CSMD1: variants seen among roughly 807,000 people sequenced by gnomAD.
The protein encoded by CSMD1 is CUB and Sushi multiple domains 1.
In CSMD1, 213 loss-of-function variants were observed where a neutral mutation model predicts 417.5. The observed-to-expected ratio is 0.51, with a 90% CI of 0.46 to 0.57. CSMD1 has a LOEUF of 0.57. Ranked by LOEUF, CSMD1 falls within the 20% of genes least tolerant of loss-of-function variation. The pLI is 0.00. For synonymous variants in CSMD1, 2,862 were observed against 1,736.8 expected (o/e 1.65, Z -16.11); for missense variants, 6,923 against 4,529.7 (o/e 1.53, Z -15.17).
intron 3 of CSMD1, among the ~76,000 whole-genome samples, chr8:4,311,047 G>A (rs1021433638): frequency 6.6e-6 from 1 of 152,160 alleles, no homozygotes; most frequent in Non-Finnish European, 1.5e-5. Context: ...ATACACCACT[G>A]GTGGGAGTGT....
At chr8:3,734,859 C>A (rs898459790) in intron 6 of CSMD1, among the ~76,000 whole-genome samples, 1 of 152,172 alleles carries the variant, frequency 6.6e-6, no homozygotes, top group Non-Finnish European at 1.5e-5. Context: ...TCATCTAATG[C>A]CGCTGATGCT....
intron 3 of CSMD1, among the ~76,000 whole-genome samples, chr8:4,144,574 G>A (rs1040434303): frequency 6.6e-6 from 1 of 150,934 alleles, no homozygotes. Flanking sequence ...TATCTGGATT[G>A]CTCAGCTACT....
At chr8:4,875,846 C>T (rs749325907) in intron 1 of CSMD1, among the ~76,000 whole-genome samples, 5 of 151,746 alleles carry the variant, frequency 3.3e-5, no homozygotes, top group Non-Finnish European at 7.4e-5. Context: ...CACACACAAA[C>T]ACTAGTATAA....
chr8:3,371,730 TCTC>T (rs1481883772), intron 18 of CSMD1, among the ~76,000 whole-genome samples: 5 of 152,072 alleles, frequency 3.3e-5, no homozygotes, highest in African/African-American at 1.2e-4. Context: ...GAACAAATCA[TCTC>T]CTTTAATACG....
intron 26 of CSMD1, among the ~76,000 whole-genome samples, chr8:3,273,503 A>G (rs1802032938): frequency 6.6e-6 from 1 of 152,162 alleles, no homozygotes; most frequent in African/African-American, 2.4e-5. Context: ...TTTCAGAAGG[A>G]ATGGTACAAA....
intron 2 of CSMD1, among the ~76,000 whole-genome samples, chr8:4,574,356 G>A (rs1367081025): frequency 4.6e-5 from 7 of 152,240 alleles, no homozygotes; most frequent in South Asian, 2.1e-4. Flanking sequence ...AGTCCTTCAC[G>A]GCTTCCCTTG....
At chr8:3,178,293 T>A (rs920549172) in intron 37 of CSMD1, among the ~76,000 whole-genome samples, 8 of 152,088 alleles carry the variant, frequency 5.3e-5, no homozygotes, top group African/African-American at 1.9e-4. Flanking sequence ...CATTTCTATA[T>A]GAGAAAAGAA....
At chr8:4,823,040 T>A (rs1423524719) in intron 1 of CSMD1, among the ~76,000 whole-genome samples, 2 of 152,104 alleles carry the variant, frequency 1.3e-5, no homozygotes, top group Non-Finnish European at 2.9e-5. Context: ...TCACTGTGTC[T>A]GTGAAATGCA....
At chr8:3,009,212 A>T (rs1240619027) in intron 52 of CSMD1, among the ~76,000 whole-genome samples, 1 of 152,130 alleles carries the variant, frequency 6.6e-6, no homozygotes, top group Non-Finnish European at 1.5e-5. Flanking sequence ...CTTGAAGCTC[A>T]CGTCTTCAGT....
intron 3 of CSMD1, among the ~76,000 whole-genome samples, chr8:4,346,645 T>C (rs558067038): frequency 3.9e-5 from 6 of 152,200 alleles, no homozygotes; most frequent in Non-Finnish European, 8.8e-5. Flanking sequence ...GTAAGTGAAA[T>C]CTTCATTGCA....
chr8:4,134,257 G>T (rs1803285262), intron 3 of CSMD1, among the ~76,000 whole-genome samples: 1 of 152,174 alleles, frequency 6.6e-6, no homozygotes, highest in Non-Finnish European at 1.5e-5. Context: ...TATATTAAAT[G>T]CCATTGCCAC....
chr8:4,374,306 A>G (rs560759592), intron 3 of CSMD1, among the ~76,000 whole-genome samples: 1 of 152,154 alleles, frequency 6.6e-6, no homozygotes, highest in South Asian at 2.1e-4. Flanking sequence ...ATTAGAGTAC[A>G]ATATAATTAC....
chr8:4,152,281 G>C (rs1302746879), intron 3 of CSMD1, among the ~76,000 whole-genome samples: 1 of 152,090 alleles, frequency 6.6e-6, no homozygotes, highest in Non-Finnish European at 1.5e-5. Flanking sequence ...GAAATACGAT[G>C]GTTAAAAATC....
chr8:3,124,670 C>T (rs1817395970), intron 41 of CSMD1, among the ~76,000 whole-genome samples: 1 of 152,130 alleles, frequency 6.6e-6, no homozygotes, highest in South Asian at 2.1e-4. Flanking sequence ...CACACTCTCG[C>T]CACCTCCTAA....
intron 10 of CSMD1, among the ~76,000 whole-genome samples, chr8:3,552,286 T>C (rs1410132780): frequency 6.6e-6 from 1 of 151,986 alleles, no homozygotes; most frequent in Non-Finnish European, 1.5e-5. Context: ...AATCTAAATA[T>C]GCATCATCCA....
chr8:4,905,806 C>A lies in CSMD1; in HGVS notation c.85+88526G>T, dbSNP rs142208091. Among the ~76,000 whole-genome samples, 18 of 128,368 alleles carry A rather than the reference C, an allele frequency of 1.4e-4. No homozygotes were observed. The East Asian group carries it at 3.6e-3, about 26-fold the overall frequency. 84.2% of individuals were successfully genotyped at this position (128,368 alleles called of 152,430 possible). A position where few individuals can be genotyped will look rare whatever the true frequency, so the allele number is the denominator to read the frequency against. Reference sequence around the variant, plus strand: ...CTGCACTCCAGCCTGGGCCACAGAGCGAGACTCCATCTCAAAAAAAAAAAA... The same window carrying A: ...CTGCACTCCAGCCTGGGCCACAGAGAGAGACTCCATCTCAAAAAAAAAAAA... On this transcript the variant is annotated intron_variant, in intron 1 of 69. Transcript: ENST00000635120.
In CSMD1 at chr8:4,516,236, G is replaced by C. The variant is rs1390472427; in HGVS notation, c.303-96171C>G. The stretch of plus-strand genomic sequence containing the variant: ...AGAGGGAAGACCACGTGAGGACCCA[G>C]AGAGAAGGGGCCTTCTGCAAGCCAA... On this transcript the variant is annotated intron_variant, in intron 2 of 69. Transcript: ENST00000635120. 2.0e-5 allele frequency among the ~76,000 whole-genome samples: 3 copies of C among 152,130 alleles called. No individual in the cohort carries two copies. The East Asian group carries it at 5.8e-4, about 29-fold the overall frequency.
intron 3 of CSMD1, among the ~76,000 whole-genome samples, chr8:4,047,954 G>T (rs538073785): frequency 2.0e-5 from 3 of 152,272 alleles, no homozygotes; most frequent in South Asian, 4.1e-4. Context: ...ATAATGTCAT[G>T]TTGAGTCCTT....
At chr8:3,354,332 T>C (rs1585043214) in intron 21 of CSMD1, among the ~76,000 whole-genome samples, 1 of 152,144 alleles carries the variant, frequency 6.6e-6, no homozygotes, top group African/African-American at 2.4e-5. Flanking sequence ...GTTATTAAAA[T>C]GTAGAAATTG....
Sources: gnomAD v4.1 joint callset for allele counts (sites outside exome capture counted in the v4.1 genomes callset) on GRCh38, gnomAD v4.1.1 for gene constraint, MANE v1.5 for transcripts, NCBI Gene and HGNC (gene_info 2026-07-23, HGNC 2026-07-21) for gene names.